Variants in SNX13 observed in about 807,000 individuals in gnomAD.
The protein encoded by SNX13 is sorting nexin-13.
SNX13 carries 45 observed loss-of-function variants against 133.6 expected under a neutral mutation model. The ratio of observed to expected loss-of-function variants is 0.34; its 90% CI spans 0.27 to 0.43. The LOEUF (loss-of-function observed/expected upper bound fraction) is 0.43, where lower values mean the gene tolerates loss of function less well. SNX13 is among the 20% of genes least tolerant of loss of function. The probability of loss-of-function intolerance (pLI) is 1.00; values close to 1 mark genes in which losing one functional copy is unlikely to be tolerated. For missense variants in SNX13, 1,032 were observed against 1,145.1 expected, an observed-to-expected ratio of 0.90 and a Z score of 1.43; for synonymous variants, 414 against 373.9, an observed-to-expected ratio of 1.11 and a Z score of -1.24.
intron 2 of SNX13, 76 bp from the exon 3 acceptor site, chr7:17,893,510 TTTC>T: frequency 3.2e-6 from 3 of 943,892 alleles, no homozygotes; most frequent in Non-Finnish European, 4.8e-6. Context: ...CCAAGTATAT[TTTC>T]CAGAGTTCAC....
At chr7:17,814,757 A>G in intron 20 of SNX13, 77 bp downstream of exon 20, 4 of 1,232,340 alleles carry the variant, frequency 3.2e-6, no homozygotes, top group Non-Finnish European at 4.4e-6. Flanking sequence ...ACAAATCTAA[A>G]TTTATTTTCT....
At chr7:17,878,441 A>G (rs1457384278) in intron 5 of SNX13, among the ~76,000 whole-genome samples, 3 of 152,206 alleles carry the variant, frequency 2.0e-5, no homozygotes, top group Admixed American at 6.5e-5. Context: ...TTGCAAGAAA[A>G]AATTAAGAAG....
intron 22 of SNX13, among the ~76,000 whole-genome samples, chr7:17,801,038 A>T (rs1486598811): frequency 1.4e-4 from 3 of 21,782 alleles, no homozygotes; most frequent in African/African-American, 4.2e-4. Context: ...ATATATATAT[A>T]TATATATATA....
At chr7:17,931,938 C>T (rs1011566189) in intron 1 of SNX13, among the ~76,000 whole-genome samples, 2 of 152,136 alleles carry the variant, frequency 1.3e-5, no homozygotes, top group African/African-American at 2.4e-5. Context: ...TGAACAGAGA[C>T]GCATTTTAGT....
At chr7:17,912,639 T>C (rs971729760) in intron 1 of SNX13, among the ~76,000 whole-genome samples, 2 of 152,194 alleles carry the variant, frequency 1.3e-5, no homozygotes, top group African/African-American at 4.8e-5. Context: ...CTTGAACTTC[T>C]GACCTCAAGT....
intron 1 of SNX13, among the ~76,000 whole-genome samples, chr7:17,929,353 T>C (rs1353767328): frequency 1.3e-5 from 2 of 152,136 alleles, no homozygotes; most frequent in Non-Finnish European, 2.9e-5. Context: ...TATTCTATTA[T>C]TATGTGAAAA....
chr7:17,807,900 G>T (rs950265962), intron 20 of SNX13, among the ~76,000 whole-genome samples: 3 of 152,094 alleles, frequency 2.0e-5, no homozygotes, highest in Non-Finnish European at 4.4e-5. Context: ...AAACAGAAAG[G>T]AACAGCATCA....
At position 17,816,294 on chromosome 7, in the gene SNX13, A is replaced by G. The variant is rs1213494861; in HGVS notation, c.1846-5T>C. The stretch of plus-strand genomic sequence containing the variant: ...TATGCTTGAGAGACTTTCAAACTGT[A>G]AGACAAAATACATTCAATAGCACTT... On this transcript the variant is annotated splice_polypyrimidine_tract_variant and splice_region_variant and intron_variant, in intron 18 of 25. Transcript: ENST00000428135. 7.2e-6 allele frequency: 11 copies of G among 1,535,536 alleles called. No individual in the cohort carries two copies. Among genetic ancestry groups the G allele is most frequent in the African/African-American group, 1.4e-5 (1 of 72,004 alleles).
At chr7:17,842,482 T>C (rs1790013311) in intron 12 of SNX13, among the ~76,000 whole-genome samples, 2 of 152,030 alleles carry the variant, frequency 1.3e-5, no homozygotes, top group Non-Finnish European at 2.9e-5. Context: ...AAAAGGACAC[T>C]AGATAGTAAC....
chr7:17,821,486 A>G, intron 18 of SNX13, 23 bp downstream of exon 18: 1 of 1,588,952 alleles, frequency 6.3e-7, no homozygotes, highest in Non-Finnish European at 8.6e-7. Flanking sequence ...CATAAAGTAC[A>G]CAAGTTTTTA....
intron 9 of SNX13, among the ~76,000 whole-genome samples, chr7:17,857,509 G>A (rs924204710): frequency 1.3e-5 from 2 of 152,168 alleles, no homozygotes; most frequent in African/African-American, 2.4e-5. Flanking sequence ...AACTGGCCAG[G>A]TGCGGTGGCT....
chr7:17,932,872 T>C (rs1336257827), intron 1 of SNX13, among the ~76,000 whole-genome samples: 2 of 152,232 alleles, frequency 1.3e-5, no homozygotes, highest in Non-Finnish European at 2.9e-5. Context: ...GTGGTATCAT[T>C]TTATTCTGAC....
At chr7:17,822,012 G>C (rs1336600912) in intron 17 of SNX13, among the ~76,000 whole-genome samples, 2 of 152,014 alleles carry the variant, frequency 1.3e-5, no homozygotes, top group Non-Finnish European at 2.9e-5. Flanking sequence ...AGTAAAATTA[G>C]AATTTCTTAA....
rs1369669760 is a variant in SNX13, at chr7:17,821,617, T to C, written c.1737A>G (p.Ala579=). ...GCCGGTGTACAGTGATGGCATATAATGCATATGTCTTGCCATGATCATTAC... is the reference window on the plus strand; with the variant it reads ...GCCGGTGTACAGTGATGGCATATAACGCATATGTCTTGCCATGATCATTAC... ...GVCNDHGKTY[A]LYAITVHRRN... Residue 579 remains alanine (A), a synonymous_variant, in exon 18 of 26, where the codon GCA becomes GCG. Transcript: ENST00000428135. 1.2e-6 allele frequency: 2 copies of C among 1,613,632 alleles called. No individual in the cohort carries two copies. Among genetic ancestry groups the C allele is most frequent in the Non-Finnish European group, 1.7e-6 (2 of 1,179,664 alleles).
chr7:17,928,997 T>TAA (rs1554279281), intron 1 of SNX13, among the ~76,000 whole-genome samples: 3 of 151,502 alleles, frequency 2.0e-5, no homozygotes, highest in African/African-American at 7.3e-5. Flanking sequence ...TTTTCAAACC[T>TAA]ATAAAGTATA....
At position 17,873,588 on chromosome 7, in the gene SNX13, T is replaced by C. The variant is rs780330414; in HGVS notation, c.693A>G (p.Leu231=). ...CTCCAGGAGGTAGCAATAAATATAG[T>C]AAGACCTCACACAAATCCCTTAGGA... ...EGFLRDLCEV[L]LYLLLPPGDF... Residue 231 remains leucine, a synonymous_variant, in exon 8 of 26, where the codon TTA becomes TTG. Coordinates refer to ENST00000428135, the MANE Select transcript of SNX13 (RefSeq NM_015132.5). 1 of 1,578,094 alleles carries C rather than the reference T, an allele frequency of 6.3e-7. No individual in the cohort carries two copies. The highest frequency in any genetic ancestry group is 2.3e-5 in the East Asian group (1 of 43,578).
intron 20 of SNX13, among the ~76,000 whole-genome samples, chr7:17,812,334 G>A (rs1025282751): frequency 4.6e-5 from 7 of 152,028 alleles, no homozygotes; most frequent in East Asian, 3.9e-4. Flanking sequence ...GAAAGTGGGC[G>A]AACGATACGA....
At chr7:17,832,160 A>G (rs1023429763) in intron 15 of SNX13, 1 of 984,282 alleles carries the variant, frequency 1.0e-6, no homozygotes, top group Admixed American at 6.2e-5. Flanking sequence ...TTTACTTCAG[A>G]TCAAAACCAG....
intron 1 of SNX13, among the ~76,000 whole-genome samples, chr7:17,915,001 G>A (rs1799386555): frequency 6.6e-6 from 1 of 152,086 alleles, no homozygotes; most frequent in Admixed American, 6.6e-5. Flanking sequence ...GACACCCATA[G>A]GCTCAAAATA....
Sources: gnomAD v4.1 joint callset for allele counts (sites outside exome capture counted in the v4.1 genomes callset) on GRCh38, gnomAD v4.1.1 for gene constraint, MANE v1.5 for transcripts, NCBI Gene and HGNC (gene_info 2026-07-23, HGNC 2026-07-21) for gene names.